The following C10orf67 variants were observed in gnomAD, a reference collection of about 807,000 sequenced individuals.
C10orf67 encodes uncharacterized protein C10orf67, mitochondrial.
C10orf67 carries 60 observed loss-of-function variants against 35.6 expected under a neutral mutation model. That is an observed-to-expected ratio of 1.68 (90% CI 1.37 to 2.09). The LOEUF is 2.09. C10orf67 is among the 30% of genes most tolerant of loss of function. The pLI is 0.00. For missense variants in C10orf67, 474 were observed against 330.2 expected, an observed-to-expected ratio of 1.44 and a Z score of -3.38; for synonymous variants, 167 against 115.8, an observed-to-expected ratio of 1.44 and a Z score of -2.84.
intron 4 of C10orf67, among the ~76,000 whole-genome samples, chr10:23,319,396 C>T (rs1844859715): frequency 6.6e-6 from 1 of 151,602 alleles, no homozygotes; most frequent in Non-Finnish European, 1.5e-5. Context: ...TTTTTTTTAT[C>T]CAGTCCACCG....
Position 23,299,721 on chromosome 10 carries a change from T to C in C10orf67, c.702+3583A>G, listed in dbSNP as rs574027314. On this transcript the variant is annotated intron_variant, in intron 5 of 15. Coordinates refer to ENST00000636213, the MANE Select transcript of C10orf67 (RefSeq NM_001371909.1). ...GGGCGGGTGCAGTGGCTCATGCCTG[T>C]AATCCCAGCACTTTGGGAGGCTGAG... 6.6e-5 allele frequency among the ~76,000 whole-genome samples: 10 copies of C among 152,226 alleles called. No individual in the cohort carries two copies. The South Asian group carries it at 1.9e-3, about 28-fold the overall frequency.
chr10:23,228,616 G>C (rs554231893), intron 13 of C10orf67, among the ~76,000 whole-genome samples: 1 of 152,276 alleles, frequency 6.6e-6, no homozygotes, highest in African/African-American at 2.4e-5. Flanking sequence ...AAGAGCTTCT[G>C]CACAGCAAAA....
At chr10:23,249,015 A>C (rs1038874179) in intron 12 of C10orf67, among the ~76,000 whole-genome samples, 79 of 151,502 alleles carry the variant, frequency 5.2e-4, no homozygotes, top group Non-Finnish European at 4.4e-5. Flanking sequence ...CTGTAATCCC[A>C]GCTACTAAGG....
intron 6 of C10orf67, among the ~76,000 whole-genome samples, chr10:23,290,727 G>T (rs1564492789): frequency 6.6e-6 from 1 of 152,130 alleles, no homozygotes; most frequent in African/African-American, 2.4e-5. Context: ...GGCTAACTCT[G>T]TTTTCCCTAC....
intron 2 of C10orf67, among the ~76,000 whole-genome samples, chr10:23,324,235 T>C (rs1190152601): frequency 6.6e-6 from 1 of 151,798 alleles, no homozygotes; most frequent in Admixed American, 6.6e-5. Flanking sequence ...TCTCTAGAGA[T>C]TCTGATTGCT....
At chr10:23,318,005 G>A (rs1291993420) in intron 4 of C10orf67, 1 of 149,936 alleles carries the variant, frequency 6.7e-6, no homozygotes, top group Non-Finnish European at 1.5e-5. Flanking sequence ...AGGAGGCTGA[G>A]GCCAGAGGAT....
intron 8 of C10orf67, among the ~76,000 whole-genome samples, chr10:23,267,591 C>G (rs887493762): frequency 4.6e-5 from 7 of 152,226 alleles, no homozygotes; most frequent in African/African-American, 1.7e-4. Context: ...GCTATAAATA[C>G]TAGGCCTTAT....
chr10:23,319,499 T>C (rs1163825402), intron 4 of C10orf67, among the ~76,000 whole-genome samples: 3 of 152,190 alleles, frequency 2.0e-5, no homozygotes, highest in African/African-American at 7.2e-5. Context: ...GTAGAATGAT[T>C]TATCTTTCTT....
chr10:23,225,624 T>G (rs1373082143), intron 13 of C10orf67, among the ~76,000 whole-genome samples: 1 of 152,012 alleles, frequency 6.6e-6, no homozygotes, highest in Non-Finnish European at 1.5e-5. Context: ...TCAGGAGACC[T>G]ACCTCACGTG....
intron 15 of C10orf67, among the ~76,000 whole-genome samples, chr10:23,205,884 AG>A (rs1841145641): frequency 6.6e-6 from 1 of 152,266 alleles, no homozygotes; most frequent in Non-Finnish European, 1.5e-5. Flanking sequence ...TAATAAAAAA[AG>A]GATGTAAATA....
intron 8 of C10orf67, among the ~76,000 whole-genome samples, chr10:23,267,707 C>T (rs113201008): frequency 4.3e-4 from 66 of 152,026 alleles, no homozygotes; most frequent in African/African-American, 1.6e-3. Context: ...GAGTTCAAGA[C>T]CAGCCTGGCC....
chr10:23,312,283 AT>A (rs926249942), intron 4 of C10orf67, among the ~76,000 whole-genome samples: 1 of 152,162 alleles, frequency 6.6e-6, no homozygotes, highest in African/African-American at 2.4e-5. Context: ...TTTTACTCAA[AT>A]GGTTACAATT....
chr10:23,333,869 G>T (rs1845571052), intron 1 of C10orf67, among the ~76,000 whole-genome samples: 1 of 152,152 alleles, frequency 6.6e-6, no homozygotes, highest in African/African-American at 2.4e-5. Context: ...AGAGGCTGAG[G>T]CAGGAGGATT....
chr10:23,274,855 C>T (rs1843138572), intron 8 of C10orf67, among the ~76,000 whole-genome samples: 1 of 152,022 alleles, frequency 6.6e-6, no homozygotes, highest in South Asian at 2.1e-4. Flanking sequence ...ATGAAATGTT[C>T]ACAATTTATG....
In C10orf67 at chr10:23,292,695, C is replaced by G. The variant is rs572691443; in HGVS notation, c.703-1416G>C. Among the ~76,000 whole-genome samples the G allele has an allele frequency of 6.6e-5, 10 of 152,120 alleles. No individual in the cohort carries two copies. The South Asian group carries it at 2.1e-3, about 32-fold the overall frequency. The stretch of plus-strand genomic sequence containing the variant: ...TTAATAAGTCCTTTAAAACAAGTGA[C>G]TTACTAATGAAATTACGTATGGTAT... On this transcript the variant is annotated intron_variant, in intron 5 of 15. Transcript: ENST00000636213.
chr10:23,291,805 C>A (rs1383450711), intron 5 of C10orf67, among the ~76,000 whole-genome samples: 1 of 152,046 alleles, frequency 6.6e-6, no homozygotes, highest in Non-Finnish European at 1.5e-5. Context: ...CTGGGAGCCG[C>A]ATGGAGTCCA....
chr10:23,227,482 C>T (rs376979284), intron 13 of C10orf67, among the ~76,000 whole-genome samples: 1 of 152,096 alleles, frequency 6.6e-6, no homozygotes, highest in African/African-American at 2.4e-5. Context: ...GCCAATATCA[C>T]ACTGAATAGG....
chr10:23,255,382 A>G (rs1471172099), intron 10 of C10orf67, among the ~76,000 whole-genome samples: 1 of 152,244 alleles, frequency 6.6e-6, no homozygotes, highest in Non-Finnish European at 1.5e-5. Context: ...CATGTTTGCC[A>G]AAGGGCTCGG....
At chr10:23,259,321 G>C (rs1466400038) in intron 10 of C10orf67, among the ~76,000 whole-genome samples, 1 of 152,112 alleles carries the variant, frequency 6.6e-6, no homozygotes, top group Admixed American at 6.6e-5. Context: ...GCAGAGAAGT[G>C]GTTCTTATTT....
Sources: gnomAD v4.1 joint callset for allele counts (sites outside exome capture counted in the v4.1 genomes callset) on GRCh38, gnomAD v4.1.1 for gene constraint, MANE v1.5 for transcripts, NCBI Gene and HGNC (gene_info 2026-07-23, HGNC 2026-07-21) for gene names.